IQGAP2: variants seen among roughly 807,000 people sequenced by gnomAD.
IQGAP2 encodes the protein IQ motif containing GTPase activating protein 2.
A neutral mutation model predicts 201.3 loss-of-function variants in IQGAP2; 173 were observed. The observed-to-expected ratio is 0.86, with a 90% confidence interval of 0.76 to 0.98. The LOEUF (loss-of-function observed/expected upper bound fraction) is 0.98. IQGAP2 is among the 50% of genes least tolerant of loss of function. The pLI, the probability that IQGAP2 is intolerant of heterozygous loss-of-function variation, is 0.00. For missense variants in IQGAP2, 1,687 were observed against 1,864.8 expected, an observed-to-expected ratio of 0.90 and a Z score of 1.76; for synonymous variants, 675 against 673.9, an observed-to-expected ratio of 1.00 and a Z score of -0.03.
chr5:76,441,515 TGGTAAGAGAA>T, intron 1 of IQGAP2: 1 of 985,352 alleles, frequency 1.0e-6, no homozygotes, highest in African/African-American at 1.7e-5. Flanking sequence ...GCGAGCATGT[TGGTAAGAGAA>T]GGTACAACTG....
intron 35 of IQGAP2, among the ~76,000 whole-genome samples, chr5:76,705,547 T>C (rs1029921473): frequency 6.6e-6 from 1 of 152,238 alleles, no homozygotes; most frequent in African/African-American, 2.4e-5. Context: ...TTTAATTCTT[T>C]TCCACTAGAC....
chr5:76,671,274 G>T (rs1744290210), intron 23 of IQGAP2, among the ~76,000 whole-genome samples: 2 of 148,886 alleles, frequency 1.3e-5, no homozygotes, highest in Admixed American at 6.6e-5. Context: ...AAGAAAAAAA[G>T]AAATATACAC....
At chr5:76,693,319 A>G (rs117019784) in intron 30 of IQGAP2, 36 bp from the exon 31 acceptor site, 17 of 1,454,558 alleles carry the variant, frequency 1.2e-5, no homozygotes, top group Non-Finnish European at 2.9e-6. Flanking sequence ...TAAGGACTAC[A>G]GTCTGAAAGT....
chr5:76,492,981 GTGCAGATCGTGGAT>G (rs910881755), intron 2 of IQGAP2, among the ~76,000 whole-genome samples: 5 of 152,218 alleles, frequency 3.3e-5, no homozygotes, highest in African/African-American at 9.7e-5. Context: ...GTCACAGGAT[GTGCAGATCGTGGAT>G]TGCAGATCTG....
At chr5:76,512,110 A>G (rs1035562747) in intron 2 of IQGAP2, among the ~76,000 whole-genome samples, 1 of 152,230 alleles carries the variant, frequency 6.6e-6, no homozygotes, top group Admixed American at 6.5e-5. Context: ...CTCATATTGC[A>G]GTAACAGGGA....
At chr5:76,521,951 A>T (rs747441328) in intron 2 of IQGAP2, among the ~76,000 whole-genome samples, 17 of 80,444 alleles carry the variant, frequency 2.1e-4, no homozygotes, top group African/African-American at 3.3e-4. Context: ...ATTGATAATT[A>T]AAAAAAAAAA....
intron 1 of IQGAP2, among the ~76,000 whole-genome samples, chr5:76,460,170 A>G (rs1327473407): frequency 1.3e-5 from 2 of 152,126 alleles, no homozygotes; most frequent in African/African-American, 4.8e-5. Context: ...TGAGTGATGT[A>G]ATAAAAATGT....
intron 30 of IQGAP2, among the ~76,000 whole-genome samples, chr5:76,688,365 GC>G (rs1275511548): frequency 1.3e-5 from 2 of 152,098 alleles, no homozygotes; most frequent in Non-Finnish European, 2.9e-5. Flanking sequence ...CTTCATGGAG[GC>G]CCCCACAGTA....
At position 76,478,826 on chromosome 5, in the gene IQGAP2, C is replaced by T. The variant is rs1580279279; in HGVS notation, c.146+17157C>T. On this transcript the variant is annotated intron_variant, in intron 2 of 35. Transcript: ENST00000274364. ...TCACCTAATGACATACTTCTCAGAACACATTTCCCTCATTAAGTGATACAT... is the reference window on the plus strand; with the variant it reads ...TCACCTAATGACATACTTCTCAGAATACATTTCCCTCATTAAGTGATACAT... 2.0e-5 allele frequency among the ~76,000 whole-genome samples: 3 copies of T among 152,280 alleles called. No homozygotes were observed. In the East Asian group the frequency reaches 5.8e-4, roughly 29 times the overall value.
intron 2 of IQGAP2, among the ~76,000 whole-genome samples, chr5:76,487,630 G>T (rs1756247001): frequency 6.6e-6 from 1 of 152,148 alleles, no homozygotes; most frequent in African/African-American, 2.4e-5. Flanking sequence ...CACCCCTCCA[G>T]GCAGATCTGC....
Position 76,683,841 on chromosome 5 carries a change from G to A in IQGAP2, c.3829G>A (p.Glu1277Lys), listed in dbSNP as rs1745514666. Residue 1277 changes from glutamate (E) to lysine (K), a missense_variant, in exon 30 of 36, where the codon GAG becomes AAG. Glu to Lys is a moderately conservative substitution (Grantham distance 56). Coordinates refer to ENST00000274364, the MANE Select transcript of IQGAP2 (RefSeq NM_006633.5). ...TACACTAAGTCAGCTTTCAAAGACC[G>A]AGATTTCTCTTGTCTTGACAAGCAA... ...ANTLSQLSKT[E>K]ISLVLTSKYD... The A allele has an allele frequency of 3.1e-6, 5 of 1,613,574 alleles. No individual in the cohort carries two copies. Among genetic ancestry groups the A allele is most frequent in the East Asian group, 2.2e-5 (1 of 44,836 alleles).
chr5:76,557,375 A>T (rs1204827451), intron 2 of IQGAP2, among the ~76,000 whole-genome samples: 1 of 152,234 alleles, frequency 6.6e-6, no homozygotes, highest in Non-Finnish European at 1.5e-5. Context: ...TCATGAGAAG[A>T]TTCCATGATA....
In IQGAP2 at chr5:76,600,821, GC is replaced by G; in HGVS notation, c.1084del (p.His362ThrfsTer5). 6.2e-7 allele frequency: 1 copy of G among 1,614,050 alleles called. No individual in the cohort carries two copies. Among genetic ancestry groups the G allele is most frequent in the Non-Finnish European group, 8.5e-7 (1 of 1,179,946 alleles). On this transcript the variant is annotated frameshift_variant, in exon 11 of 36. Coordinates refer to ENST00000274364, the MANE Select transcript of IQGAP2 (RefSeq NM_006633.5). LOFTEE classifies it high-confidence loss of function. ...LQKQNTMNYL[A>X]HEELLIAVEM... ...ATATGTTTTCCAACAGAACTACTTG[GC>G]CCACGAGGAGCTTTTGATTGCTGTG...
At chr5:76,618,694 A>G in intron 13 of IQGAP2, 1 of 1,309,466 alleles carries the variant, frequency 7.6e-7, no homozygotes, top group Admixed American at 2.3e-5. Flanking sequence ...GAGAAAAGAA[A>G]GTGTGTTTAA....
At chr5:76,659,690 A>G (rs1327748266) in intron 21 of IQGAP2, among the ~76,000 whole-genome samples, 1 of 152,196 alleles carries the variant, frequency 6.6e-6, no homozygotes, top group East Asian at 1.9e-4. Flanking sequence ...GGTGAGGGCA[A>G]TTATTTACAC....
intron 1 of IQGAP2, among the ~76,000 whole-genome samples, chr5:76,436,451 CT>C (rs984537640): frequency 2.1e-5 from 2 of 93,040 alleles, no homozygotes; most frequent in African/African-American, 7.6e-5. Context: ...TTATCAGATG[CT>C]TTTTCTGCAT....
chr5:76,705,381 T>A (rs4704357), intron 35 of IQGAP2, among the ~76,000 whole-genome samples: 49,098 of 152,140 alleles, frequency 0.32, 8,071 homozygotes, highest in Non-Finnish European at 0.35. Context: ...AGAGAAGTTA[T>A]GTCATGTTGC....
intron 2 of IQGAP2, among the ~76,000 whole-genome samples, chr5:76,519,433 AGTTT>A (rs535375510): frequency 2.8e-3 from 434 of 152,308 alleles, no homozygotes; most frequent in African/African-American, 9.6e-3. Context: ...GAGATACCAC[AGTTT>A]GTTTGGAGGA....
chr5:76,460,241 G>A (rs1046516310), intron 1 of IQGAP2, among the ~76,000 whole-genome samples: 4 of 152,218 alleles, frequency 2.6e-5, no homozygotes, highest in East Asian at 1.9e-4. Context: ...AATTTTGCCT[G>A]AGATGATGTG....
Sources: allele counts gnomAD v4.1 joint callset (sites outside exome capture counted in the v4.1 genomes callset), GRCh38; gene constraint gnomAD v4.1.1; transcripts MANE v1.5; gene names NCBI Gene and HGNC (gene_info 2026-07-23, HGNC 2026-07-21).